Variants in BCKDHB observed in about 807,000 individuals in gnomAD.
BCKDHB encodes the protein branched chain keto acid dehydrogenase E1 subunit beta, also known as 2-oxoisovalerate dehydrogenase subunit beta, mitochondrial.
A neutral mutation model predicts 48.5 loss-of-function variants in BCKDHB; 41 were observed. The observed-to-expected ratio is 0.85, with a 90% CI of 0.66 to 1.10. The LOEUF (loss-of-function observed/expected upper bound fraction) is 1.10, where lower values mean the gene tolerates loss of function less well. Among genes scored for constraint, BCKDHB ranks in the 50% least tolerant of loss-of-function variants. BCKDHB has a pLI of 0.00. For synonymous variants in BCKDHB, 201 were observed against 174.8 expected (o/e 1.15, Z -1.18); for missense variants, 496 against 494.2 (o/e 1.00, Z -0.03).
At chr6:80,315,526 C>G (rs1196419518) in intron 9 of BCKDHB, among the ~76,000 whole-genome samples, 1 of 151,940 alleles carries the variant, frequency 6.6e-6, no homozygotes, top group Middle Eastern at 3.4e-3. Flanking sequence ...TACTCACCCC[C>G]CTTTTGTTGC....
At chr6:80,461,860 C>T in the BCKDHB span, among the ~76,000 whole-genome samples, 1 of 152,184 alleles carries the variant, frequency 6.6e-6, no homozygotes, top group East Asian at 1.9e-4. Context: ...CAACAGATGA[C>T]AGCAAAATTT....
At chr6:80,444,866 G>A in the BCKDHB span, among the ~76,000 whole-genome samples, 541 of 152,232 alleles carry the variant, frequency 3.6e-3, 1 homozygote, top group Admixed American at 6.0e-3. Flanking sequence ...AAATGTTAGT[G>A]CATATTCTTA....
At chr6:80,153,594 A>G (rs1771897670) in intron 3 of BCKDHB, among the ~76,000 whole-genome samples, 1 of 152,092 alleles carries the variant, frequency 6.6e-6, no homozygotes, top group South Asian at 2.1e-4. Flanking sequence ...TCAACTAACA[A>G]CTATTAAGTC....
At chr6:80,388,972 A>G in the BCKDHB span, among the ~76,000 whole-genome samples, 35 of 152,312 alleles carry the variant, frequency 2.3e-4, no homozygotes, top group Admixed American at 1.9e-3. Context: ...GCTGTAGCCA[A>G]TGGTTTCACT....
intron 6 of BCKDHB, among the ~76,000 whole-genome samples, chr6:80,193,162 C>T (rs1044409035): frequency 1.3e-5 from 2 of 152,052 alleles, no homozygotes; most frequent in Admixed American, 1.3e-4. Flanking sequence ...TAATTTATCT[C>T]ATTATGCAAA....
chr6:80,158,218 A>G (rs1332148070), intron 3 of BCKDHB, among the ~76,000 whole-genome samples: 1 of 152,190 alleles, frequency 6.6e-6, no homozygotes, highest in African/African-American at 2.4e-5. Flanking sequence ...CATTGATTAC[A>G]GAGGGGCTTT....
intron 3 of BCKDHB, among the ~76,000 whole-genome samples, chr6:80,145,191 T>C (rs1329234809): frequency 6.6e-6 from 1 of 152,202 alleles, no homozygotes; most frequent in Non-Finnish European, 1.5e-5. Flanking sequence ...GGACTCTATC[T>C]TTCTGTTGTG....
intron 1 of BCKDHB, among the ~76,000 whole-genome samples, chr6:80,118,893 G>A (rs989572084): frequency 6.6e-6 from 1 of 152,178 alleles, no homozygotes; most frequent in East Asian, 1.9e-4. Flanking sequence ...TTTATCATGA[G>A]ATTGTAGCAA....
At chr6:80,304,426 GA>G (rs1421898753) in intron 9 of BCKDHB, among the ~76,000 whole-genome samples, 1 of 152,032 alleles carries the variant, frequency 6.6e-6, no homozygotes, top group East Asian at 1.9e-4. Flanking sequence ...GACTCAAGAA[GA>G]AAAAGAAAAC....
chr6:80,356,471 G>T, the BCKDHB span: 1 of 152,128 alleles, frequency 6.6e-6, no homozygotes. Context: ...TATGTAGCAA[G>T]ATAGTAACAT....
chr6:80,427,206 T>C, the BCKDHB span, among the ~76,000 whole-genome samples: 2 of 152,104 alleles, frequency 1.3e-5, no homozygotes, highest in Non-Finnish European at 2.9e-5. Context: ...TACTTTGTTC[T>C]TTCACTTTTA....
the BCKDHB span, among the ~76,000 whole-genome samples, chr6:80,434,944 G>GT: frequency 6.6e-6 from 1 of 152,144 alleles, no homozygotes; most frequent in East Asian, 1.9e-4. Flanking sequence ...GATCTTTGGA[G>GT]TTTTTTTCTT....
chr6:80,458,115 T>C, the BCKDHB span, among the ~76,000 whole-genome samples: 4 of 152,306 alleles, frequency 2.6e-5, no homozygotes, highest in East Asian at 1.9e-4. Flanking sequence ...GAAAGGCTTG[T>C]TGAAAAACTG....
chr6:80,257,265 CTTTAATA>C (rs1777088132), intron 8 of BCKDHB, among the ~76,000 whole-genome samples: 2 of 151,736 alleles, frequency 1.3e-5, no homozygotes, highest in Admixed American at 1.3e-4. Flanking sequence ...TTTCTCTTGT[CTTTAATA>C]TCTGTCTGTC....
At chr6:80,178,542 G>T (rs1234586460) in intron 6 of BCKDHB, among the ~76,000 whole-genome samples, 1 of 152,160 alleles carries the variant, frequency 6.6e-6, no homozygotes, top group East Asian at 1.9e-4. Context: ...TTGCTGAGAG[G>T]ATTTAAGTGA....
the BCKDHB span, chr6:80,356,717 A>G: frequency 1.3e-5 from 2 of 152,200 alleles, no homozygotes; most frequent in South Asian, 4.1e-4. Context: ...TGTGCTAAAA[A>G]TTGTTACCAA....
the BCKDHB span, among the ~76,000 whole-genome samples, chr6:80,447,391 A>G: frequency 1.3e-5 from 2 of 151,716 alleles, no homozygotes; most frequent in African/African-American, 2.4e-5. Context: ...CATGATAAGC[A>G]TGCAATAAAC....
At chr6:80,462,242 C>T in the BCKDHB span, among the ~76,000 whole-genome samples, 1 of 152,038 alleles carries the variant, frequency 6.6e-6, no homozygotes, top group African/African-American at 2.4e-5. Context: ...ATTTTCAATG[C>T]CTATTTACTT....
chr6:80,112,133 A>G (rs1562054622), intron 1 of BCKDHB, among the ~76,000 whole-genome samples: 1 of 152,212 alleles, frequency 6.6e-6, no homozygotes, highest in East Asian at 1.9e-4. Context: ...GACACAACAT[A>G]TAACAGTAAG....
Sources: allele counts gnomAD v4.1 joint callset (sites outside exome capture counted in the v4.1 genomes callset), GRCh38; gene constraint gnomAD v4.1.1; transcripts MANE v1.5; gene names NCBI Gene and HGNC (gene_info 2026-07-23, HGNC 2026-07-21).